Variants in ABCA13 observed in about 807,000 individuals in gnomAD.
ABCA13 encodes the protein ATP binding cassette subfamily A member 13.
Under a neutral mutation model 478.7 loss-of-function variants are expected in ABCA13, and 476 were observed. The ratio of observed to expected loss-of-function variants is 0.99; its 90% CI spans 0.92 to 1.07. The LOEUF (loss-of-function observed/expected upper bound fraction) is 1.07, where lower values mean the gene tolerates loss of function less well. Among genes scored for constraint, ABCA13 ranks in the 50% least tolerant of loss-of-function variants. The pLI is 0.00. For missense variants in ABCA13, 6,060 were observed against 5,910.6 expected (o/e 1.03, Z -0.83); for synonymous variants, 2,252 against 2,158.9 (o/e 1.04, Z -1.20).
chr7:48,510,427 G>A (rs772006657), intron 50 of ABCA13, among the ~76,000 whole-genome samples: 1 of 152,200 alleles, frequency 6.6e-6, no homozygotes, highest in Non-Finnish European at 1.5e-5. Context: ...ACCTTAAGGT[G>A]AGGCTGGATA....
chr7:48,366,869 C>T (rs906101220), intron 31 of ABCA13, among the ~76,000 whole-genome samples: 8 of 152,106 alleles, frequency 5.3e-5, no homozygotes, highest in African/African-American at 2.4e-5. Flanking sequence ...ACATAGCAAT[C>T]TCTGTGTTTA....
At chr7:48,531,728 C>T (rs1184148254) in intron 55 of ABCA13, among the ~76,000 whole-genome samples, 6 of 124,802 alleles carry the variant, frequency 4.8e-5, no homozygotes, top group African/African-American at 1.9e-4. Flanking sequence ...AGGTATATTC[C>T]TAATTTTTTT....
intron 16 of ABCA13, among the ~76,000 whole-genome samples, chr7:48,269,509 C>G (rs534635365): frequency 3.3e-5 from 5 of 152,234 alleles, no homozygotes; most frequent in African/African-American, 9.6e-5. Flanking sequence ...CTAAATTTGT[C>G]GGACTATTTT....
intron 58 of ABCA13, among the ~76,000 whole-genome samples, chr7:48,599,366 T>A (rs1307855923): frequency 6.6e-5 from 10 of 150,888 alleles, no homozygotes; most frequent in African/African-American, 2.5e-4. Flanking sequence ...ACCAGAGGGG[T>A]TACAGTTTTT....
In ABCA13 at chr7:48,520,821, TTC is replaced by T. The variant is rs370001421; in HGVS notation, c.14051+531_14051+532del. On this transcript the variant is annotated intron_variant, in intron 53 of 61. Transcript: ENST00000435803. ...TATTTTCACTTTGAAATTGCTGAAT[TTC>T]TCTGTTACTTTGAAGCAGCTAAGGT... 3.3e-5 allele frequency among the ~76,000 whole-genome samples: 5 copies of T among 152,316 alleles called. No homozygotes were observed. In the East Asian group the frequency reaches 7.7e-4, roughly 23 times the overall value.
rs552144665 is a variant in ABCA13, at chr7:48,556,096, T to C, written c.14355-24128T>C. Among the ~76,000 whole-genome samples the C allele has an allele frequency of 2.6e-5, 4 of 152,012 alleles. No individual in the cohort carries two copies. In the East Asian group the frequency reaches 7.7e-4, roughly 29 times the overall value. On this transcript the variant is annotated intron_variant, in intron 55 of 61. Coordinates refer to ENST00000435803, the MANE Select transcript of ABCA13 (RefSeq NM_152701.5). ...TTGTGATCATATTGTTTAATTTCCATGTGTCTCTGTAATTTCCAAAATTCT... is the reference window on the plus strand; with the variant it reads ...TTGTGATCATATTGTTTAATTTCCACGTGTCTCTGTAATTTCCAAAATTCT...
intron 59 of ABCA13, among the ~76,000 whole-genome samples, chr7:48,619,486 T>C (rs1408170688): frequency 6.6e-6 from 1 of 152,228 alleles, no homozygotes; most frequent in Non-Finnish European, 1.5e-5. Context: ...TGTTTGCTTC[T>C]GACATTTAAT....
chr7:48,628,763 G>A (rs764730695), intron 59 of ABCA13, among the ~76,000 whole-genome samples: 21 of 152,156 alleles, frequency 1.4e-4, no homozygotes, highest in Non-Finnish European at 2.4e-4. Context: ...GTACATAAAT[G>A]TGCTCAACGT....
chr7:48,569,720 T>C (rs1787422339), intron 55 of ABCA13, among the ~76,000 whole-genome samples: 2 of 152,186 alleles, frequency 1.3e-5, no homozygotes, highest in Non-Finnish European at 2.9e-5. Flanking sequence ...AGAGTGTTTT[T>C]CATCATATCG....
chr7:48,622,458 A>G (rs968786775), intron 59 of ABCA13, among the ~76,000 whole-genome samples: 19 of 152,110 alleles, frequency 1.2e-4, no homozygotes, highest in African/African-American at 4.6e-4. Context: ...ACTCCCTGGC[A>G]AAGGAAAATT....
At chr7:48,291,085 A>G (rs1468134932) in intron 20 of ABCA13, among the ~76,000 whole-genome samples, 2 of 151,948 alleles carry the variant, frequency 1.3e-5, no homozygotes, top group Non-Finnish European at 2.9e-5. Flanking sequence ...TGCCTTGCAG[A>G]TGCTCTTCCT....
Position 48,219,495 on chromosome 7 carries a change from C to T in ABCA13, c.429C>T (p.Ser143=). 6.2e-7 allele frequency: 1 copy of T among 1,610,554 alleles called. No individual in the cohort carries two copies. Among genetic ancestry groups the T allele is most frequent in the Non-Finnish European group, 8.5e-7 (1 of 1,178,790 alleles). Residue 143 remains serine, a synonymous_variant, in exon 4 of 62, where the codon TCC becomes TCT. Transcript: ENST00000435803. ...TAAAAAGACTTTGGGTAGAACGATC[C>T]AACACTCCAGGCAAGTAAACCTCTC... ...KNLKRLWVER[S]NTPDSSYGSS...
chr7:48,588,689 A>G (rs1222604773), intron 57 of ABCA13, among the ~76,000 whole-genome samples: 6 of 152,248 alleles, frequency 3.9e-5, no homozygotes, highest in African/African-American at 1.4e-4. Context: ...TGAAAGCAGT[A>G]AATAAAATAA....
chr7:48,352,392 C>G lies in ABCA13; in HGVS notation c.10593C>G (p.Ile3531Met). The change falls in exon 31 of 62, where the codon ATC becomes ATG. Residue 3531 changes from isoleucine to methionine, a missense_variant. Transcript: ENST00000435803. ...TCTTTGCCCCACTGCAAGACATGAT[C>G]GAAAGAGCCATCATTTTGGTGCAGA... ...NYVFAPLQDM[I>M]ERAIILVQTG... The G allele has an allele frequency of 1.2e-6, 2 of 1,613,410 alleles. No individual in the cohort carries two copies. Among genetic ancestry groups the G allele is most frequent in the Non-Finnish European group, 1.7e-6 (2 of 1,179,748 alleles).
chr7:48,239,447 G>A, intron 9 of ABCA13, 42 bp downstream of exon 9: 1 of 1,537,816 alleles, frequency 6.5e-7, no homozygotes, highest in Non-Finnish European at 8.8e-7. Flanking sequence ...AGGTGTGCCA[G>A]TTTGAGTGTC....
At chr7:48,240,202 C>T (rs1421255606) in intron 9 of ABCA13, among the ~76,000 whole-genome samples, 2 of 152,228 alleles carry the variant, frequency 1.3e-5, no homozygotes, top group South Asian at 2.1e-4. Context: ...TCGTCTGCTT[C>T]GTGGCACTAA....
chr7:48,401,584 C>A (rs1817607674), intron 38 of ABCA13, among the ~76,000 whole-genome samples: 1 of 152,032 alleles, frequency 6.6e-6, no homozygotes, highest in African/African-American at 2.4e-5. Flanking sequence ...TCTTTGATGC[C>A]CCTACCTTTA....
At chr7:48,644,390 T>G (rs1430049135) in intron 60 of ABCA13, among the ~76,000 whole-genome samples, 1 of 152,152 alleles carries the variant, frequency 6.6e-6, no homozygotes, top group East Asian at 1.9e-4. Flanking sequence ...GTTGCAAGGT[T>G]AGAGCATATC....
intron 35 of ABCA13, among the ~76,000 whole-genome samples, chr7:48,385,258 C>A (rs950379475): frequency 6.6e-6 from 1 of 151,980 alleles, no homozygotes; most frequent in Non-Finnish European, 1.5e-5. Context: ...AGCCTAGTAC[C>A]CATCAGTTAT....
Sources: gnomAD v4.1 joint callset for allele counts (sites outside exome capture counted in the v4.1 genomes callset) on GRCh38, gnomAD v4.1.1 for gene constraint, MANE v1.5 for transcripts, NCBI Gene and HGNC (gene_info 2026-07-23, HGNC 2026-07-21) for gene names.